Variants in RNF212B observed in about 807,000 individuals in gnomAD.
RNF212B encodes ring finger protein 212B, also known as E3 ubiquitin-protein ligase RNF212B.
A neutral mutation model predicts 55.5 loss-of-function variants in RNF212B; 52 were observed. That is an observed-to-expected ratio of 0.94 (90% CI 0.75 to 1.18). RNF212B has a LOEUF of 1.18. RNF212B is among the 50% of genes most tolerant of loss of function. The pLI is 0.00. For missense variants in RNF212B, 289 were observed against 350.4 expected (o/e 0.82, Z 1.40); for synonymous variants, 99 against 121.4 (o/e 0.82, Z 1.21).
upstream of RNF212B, among the ~76,000 whole-genome samples, chr14:23,236,191 T>A (rs1207686621): frequency 6.6e-6 from 1 of 152,200 alleles, no homozygotes; most frequent in Admixed American, 6.5e-5. Context: ...TTTTTCTTGT[T>A]TTGGAAAACA....
chr14:23,194,751 A>C lies in RNF212B; in HGVS notation c.-2+1350A>C, dbSNP rs887368844. Among the ~76,000 whole-genome samples the C allele has an allele frequency of 3.3e-5, 5 of 151,580 alleles. No individual in the cohort carries two copies. The South Asian group carries it at 6.2e-4, about 19-fold the overall frequency. On this transcript the variant is annotated intron_variant, in intron 2 of 15. Transcript: ENST00000399910. ...CTCTGTCTCAAAAAAAAAAAAAAAA[A>C]AAAAAACAACGCTGCTGTATCAAAC... is the stretch of plus-strand genomic sequence containing the variant.
At chr14:23,242,327 T>C (rs2140438775) in intron 2 of RNF212B, among the ~76,000 whole-genome samples, 1 of 152,190 alleles carries the variant, frequency 6.6e-6, no homozygotes, top group East Asian at 1.9e-4. Flanking sequence ...GCATTTGTCT[T>C]AATCAATGAC....
In RNF212B at chr14:23,203,232, T is replaced by C. The variant is rs144277438; in HGVS notation, c.-2+9831T>C. 4.7e-4 allele frequency among the ~76,000 whole-genome samples: 72 copies of C among 152,094 alleles called. No individual in the cohort carries two copies. In the Middle Eastern group the frequency reaches 0.01, roughly 22 times the overall value. On this transcript the variant is annotated intron_variant, in intron 2 of 15. Transcript: ENST00000399910. The stretch of plus-strand genomic sequence containing the variant: ...GCTTCCACAGATCAGTGAGAACATA[T>C]GATGTTTGGTTTTCCATTCCTGGGC...
At chr14:23,187,884 C>T (rs1439002115) in intron 1 of RNF212B, among the ~76,000 whole-genome samples, 1 of 151,558 alleles carries the variant, frequency 6.6e-6, no homozygotes, top group Non-Finnish European at 1.5e-5. Flanking sequence ...GTTTTAGATG[C>T]CTTTACTTCA....
intron 1 of RNF212B, among the ~76,000 whole-genome samples, chr14:23,240,104 TAC>T (rs928607995): frequency 2.1e-4 from 32 of 151,426 alleles, no homozygotes; most frequent in African/African-American, 4.4e-4. Flanking sequence ...TATATATATA[TAC>T]ACACACACAC....
intron 4 of RNF212B, among the ~76,000 whole-genome samples, chr14:23,250,939 A>G (rs558452587): frequency 6.6e-6 from 1 of 152,324 alleles, no homozygotes; most frequent in African/African-American, 2.4e-5. Flanking sequence ...TCAGATATGC[A>G]TGTATCTCAG....
rs772249326 is a variant in RNF212B at position 23,272,857 on chromosome 14, C to G, written c.869C>G (p.Pro290Arg). The change falls in exon 15 of 15, where the codon CCC becomes CGC. Residue 290 changes from proline (P) to arginine (R), a missense_variant. Physicochemically the swap from Pro to Arg is moderately radical, Grantham distance 103 (BLOSUM62 -2). Coordinates refer to ENST00000430154, the MANE Select transcript of RNF212B (RefSeq NM_001282322.3). ...CAACAACGGAGGCATATGGGATTAC[C>G]CAGTGGGAGAGAAGCATGGACCACT... ...LYQQRRHMGL[P>R]SGREAWTTSR The G allele has an allele frequency of 1.9e-6, 3 of 1,548,104 alleles. No homozygotes were observed. The highest frequency in any genetic ancestry group is 2.7e-5 in the African/African-American group (2 of 72,934).
intron 13 of RNF212B, 82 bp downstream of exon 13, chr14:23,270,042 A>C: frequency 1.2e-6 from 1 of 828,340 alleles, no homozygotes; most frequent in Non-Finnish European, 2.0e-6. Context: ...AGATGACAAG[A>C]TGTTGAGGTT....
At chr14:23,270,298 C>T (rs1287329598) in intron 13 of RNF212B, among the ~76,000 whole-genome samples, 1 of 152,208 alleles carries the variant, frequency 6.6e-6, no homozygotes, top group Non-Finnish European at 1.5e-5. Context: ...TTCTTCTCCC[C>T]ATCTTTTTCA....
rs542278763 is a variant in RNF212B, at chr14:23,232,628, G to T, written c.-1-7717G>T. Among the ~76,000 whole-genome samples, 1,348 of 150,154 alleles carry T rather than the reference G, an allele frequency of 9.0e-3. 16 individuals carry two copies. Among genetic ancestry groups the T allele is most frequent in the African/African-American group, 0.031 (1,266 of 40,728 alleles). On this transcript the variant is annotated intron_variant, in intron 2 of 15. Coordinates refer to the RNF212B transcript ENST00000399910. ...CAGCCCCCGCCCGGCCAGCCTCCCC[G>T]TCCGGGAGGGAGTTGGGGGGTCAGC... is the stretch of plus-strand genomic sequence containing the variant.
At chr14:23,210,082 T>G (rs945016881) in intron 2 of RNF212B, among the ~76,000 whole-genome samples, 6 of 152,240 alleles carry the variant, frequency 3.9e-5, no homozygotes, top group Admixed American at 2.0e-4. Context: ...ACCTGGAAGG[T>G]GGAGGTTGCA....
chr14:23,240,389 C>T lies in RNF212B; in HGVS notation c.44C>T (p.Ala15Val), dbSNP rs1463777930. 4 of 1,550,316 alleles carry T rather than the reference C, an allele frequency of 2.6e-6. No homozygotes were observed. In the Admixed American group the frequency reaches 5.9e-5, roughly 23 times the overall value. Residue 15 changes from alanine (A) to valine (V), a missense_variant, in exon 2 of 15, where the codon GCC becomes GTC. Ala to Val is a moderately conservative substitution (Grantham distance 64). Transcript: ENST00000430154. ...HCNQCFRKDG[A>V]HFFVTSCGHI... is the part of the protein sequence containing the mutation. ...AACCAGTGCTTCCGAAAAGATGGGG[C>T]CCATTTCTTTGTCACCAGCTGTGGC...
At chr14:23,235,416 C>T (rs1883029532), upstream of RNF212B, among the ~76,000 whole-genome samples, 1 of 152,096 alleles carries the variant, frequency 6.6e-6, no homozygotes, top group Non-Finnish European at 1.5e-5. Flanking sequence ...GAGCTAATCA[C>T]TTTTTTCATG....
At chr14:23,220,701 TG>T (rs1188782679) in intron 2 of RNF212B, among the ~76,000 whole-genome samples, 2 of 151,748 alleles carry the variant, frequency 1.3e-5, no homozygotes, top group Non-Finnish European at 2.9e-5. Context: ...GGCGGGCACC[TG>T]TAGTCCCAGC....
At chr14:23,190,152 T>G (rs1877989574) in intron 1 of RNF212B, among the ~76,000 whole-genome samples, 1 of 150,850 alleles carries the variant, frequency 6.6e-6, no homozygotes, top group South Asian at 2.1e-4. Flanking sequence ...GATCCTTTCC[T>G]TCTCCAATCT....
chr14:23,221,480 C>G (rs1038661787), intron 2 of RNF212B, among the ~76,000 whole-genome samples: 1 of 151,930 alleles, frequency 6.6e-6, no homozygotes, highest in African/African-American at 2.4e-5. Context: ...GCTAGAGTAC[C>G]CAGATATATA....
At chr14:23,257,429 T>C (rs1449810954) in intron 4 of RNF212B, among the ~76,000 whole-genome samples, 1 of 152,198 alleles carries the variant, frequency 6.6e-6, no homozygotes, top group African/African-American at 2.4e-5. Context: ...CTAAAACTAG[T>C]TTAGTTTACT....
At chr14:23,259,153 G>A (rs1022651077) in intron 5 of RNF212B, among the ~76,000 whole-genome samples, 4 of 150,308 alleles carry the variant, frequency 2.7e-5, no homozygotes, top group Admixed American at 6.7e-5. Flanking sequence ...ATCACACCAC[G>A]ACACTCCAGC....
intron 3 of RNF212B, among the ~76,000 whole-genome samples, chr14:23,243,863 G>C (rs947229533): frequency 6.6e-6 from 1 of 152,002 alleles, no homozygotes; most frequent in Non-Finnish European, 1.5e-5. Flanking sequence ...GATCACCTGA[G>C]GTCAGGAGTT....
Sources: allele counts gnomAD v4.1 joint callset (sites outside exome capture counted in the v4.1 genomes callset), GRCh38; gene constraint gnomAD v4.1.1; transcripts MANE v1.5; gene names NCBI Gene and HGNC (gene_info 2026-07-23, HGNC 2026-07-21).